SPIN1: variants seen among roughly 807,000 people sequenced by gnomAD.
SPIN1 encodes the protein spindlin-1.
In SPIN1, 3 loss-of-function variants were observed where a neutral mutation model predicts 26.0. That is an observed-to-expected ratio of 0.12 (90% CI 0.05 to 0.30). SPIN1 has a LOEUF of 0.30. Among genes scored for constraint, SPIN1 ranks in the 10% least tolerant of loss-of-function variants. The probability of loss-of-function intolerance (pLI) is 1.00; values close to 1 mark genes in which losing one functional copy is unlikely to be tolerated. For missense variants in SPIN1, 126 were observed against 333.4 expected, an observed-to-expected ratio of 0.38 and a Z score of 4.84; for synonymous variants, 101 against 116.5, an observed-to-expected ratio of 0.87 and a Z score of 0.86.
chr9:88,464,017 G>A (rs916640828), intron 4 of SPIN1, among the ~76,000 whole-genome samples: 1 of 152,188 alleles, frequency 6.6e-6, no homozygotes, highest in Admixed American at 6.5e-5. Context: ...ACCTGTGGTT[G>A]TTGGTCCTTT....
intron 4 of SPIN1, among the ~76,000 whole-genome samples, chr9:88,468,085 G>T (rs751674752): frequency 6.6e-6 from 1 of 151,782 alleles, no homozygotes; most frequent in African/African-American, 2.4e-5. Context: ...TTTTGATTTG[G>T]GTACAGAACC....
At chr9:88,415,164 A>G (rs1827535795) in intron 1 of SPIN1, among the ~76,000 whole-genome samples, 2 of 152,102 alleles carry the variant, frequency 1.3e-5, no homozygotes, top group African/African-American at 2.4e-5. Context: ...TCAGCCTCCC[A>G]AAGTGCTGGG....
At chr9:88,423,564 A>T (rs1335323376) in intron 1 of SPIN1, among the ~76,000 whole-genome samples, 1 of 149,716 alleles carries the variant, frequency 6.7e-6, no homozygotes, top group Non-Finnish European at 1.5e-5. Flanking sequence ...TCAGCCTCCT[A>T]AGTAGCTGGG....
At chr9:88,398,861 C>T (rs571068532) in intron 1 of SPIN1, among the ~76,000 whole-genome samples, 2 of 152,132 alleles carry the variant, frequency 1.3e-5, no homozygotes, top group East Asian at 1.9e-4. Context: ...GCCACCGTGC[C>T]CGGCCTTGTT....
At chr9:88,414,842 A>T (rs1029077215) in intron 1 of SPIN1, among the ~76,000 whole-genome samples, 1 of 152,204 alleles carries the variant, frequency 6.6e-6, no homozygotes, top group Non-Finnish European at 1.5e-5. Context: ...ATAAATTTTG[A>T]CCACGTATTA....
intron 1 of SPIN1, among the ~76,000 whole-genome samples, chr9:88,390,289 T>C (rs1180994190): frequency 6.6e-6 from 1 of 151,894 alleles, no homozygotes; most frequent in Non-Finnish European, 1.5e-5. Flanking sequence ...CAGATAATTG[T>C]GTGTCTCCCT....
In SPIN1 at chr9:88,455,912, G is replaced by A. The variant is rs116000081; in HGVS notation, c.102-6584G>A. Among the ~76,000 whole-genome samples, 420 of 152,300 alleles carry A rather than the reference G, an allele frequency of 2.8e-3. 1 individual carries two copies. The highest frequency in any genetic ancestry group is 9.6e-3 in the African/African-American group (397 of 41,564). On this transcript the variant is annotated intron_variant, in intron 3 of 5. Transcript: ENST00000375859. The stretch of plus-strand genomic sequence containing the variant: ...GCAAGAGGATTGCTTGAGCCCAGGA[G>A]TTTGAGGACAATTTGGGCAACAAAG...
intron 1 of SPIN1, among the ~76,000 whole-genome samples, chr9:88,413,618 A>G (rs182189901): frequency 3.8e-4 from 58 of 151,992 alleles, no homozygotes; most frequent in Admixed American, 2.6e-3. Context: ...ACCTCAAGCA[A>G]TCAGCCTGCC....
chr9:88,457,381 T>C (rs955840284), intron 3 of SPIN1, among the ~76,000 whole-genome samples: 8 of 151,962 alleles, frequency 5.3e-5, no homozygotes, highest in African/African-American at 1.7e-4. Flanking sequence ...ATGGAAAAAT[T>C]AGCCGGGTGT....
At chr9:88,395,938 T>C (rs999900602) in intron 1 of SPIN1, among the ~76,000 whole-genome samples, 1 of 151,910 alleles carries the variant, frequency 6.6e-6, no homozygotes, top group Non-Finnish European at 1.5e-5. Flanking sequence ...TCCCAGCTAC[T>C]CGGGAGGCTG....
At chr9:88,425,231 T>C (rs1827742230) in intron 1 of SPIN1, among the ~76,000 whole-genome samples, 1 of 151,790 alleles carries the variant, frequency 6.6e-6, no homozygotes, top group Non-Finnish European at 1.5e-5. Context: ...AAGAGGGATA[T>C]GAGATTTGAT....
rs1489112453 is a variant in SPIN1, at chr9:88,478,668, C to T, written c.*3391C>T. ...ATGTAACTCTATCTTATCCTTAAAACATTTAAAATAAACCCTTTATGTGCA... is the reference window on the plus strand; with the variant it reads ...ATGTAACTCTATCTTATCCTTAAAATATTTAAAATAAACCCTTTATGTGCA... On this transcript the variant is annotated 3_prime_UTR_variant, in exon 6 of 6. Transcript: ENST00000375859. 6.6e-6 allele frequency: 1 copy of T among 152,118 alleles called. No individual in the cohort carries two copies. Among genetic ancestry groups the T allele is most frequent in the East Asian group, 1.9e-4 (1 of 5,198 alleles). The allele number at this position is 152,118 out of a possible 1,614,324, so 9.4% of individuals were successfully genotyped here. A position where few individuals can be genotyped will look rare whatever the true frequency, so the allele number is the denominator to read the frequency against.
chr9:88,437,685 G>A (rs992308122), intron 2 of SPIN1, among the ~76,000 whole-genome samples: 7 of 152,178 alleles, frequency 4.6e-5, no homozygotes, highest in Middle Eastern at 3.4e-3. Flanking sequence ...CGGCTCTACC[G>A]TTTTGCATTT....
In SPIN1 at chr9:88,454,455, A is replaced by C. The variant is rs145476133; in HGVS notation, c.101+5466A>C. 9.2e-5 allele frequency among the ~76,000 whole-genome samples: 14 copies of C among 152,140 alleles called. 1 individual carries two copies. The highest frequency in any genetic ancestry group is 3.4e-4 in the African/African-American group (14 of 41,518). ...GTTTGCTTTTATATACACTATTTCCACTTATGTAAGTAAGCTTTAACTTTT... is the reference window on the plus strand; with the variant it reads ...GTTTGCTTTTATATACACTATTTCCCCTTATGTAAGTAAGCTTTAACTTTT... On this transcript the variant is annotated intron_variant, in intron 3 of 5. Transcript: ENST00000375859.
At chr9:88,428,087 C>T (rs72755886) in intron 2 of SPIN1, among the ~76,000 whole-genome samples, 12,866 of 152,122 alleles carry the variant, frequency 0.085, 747 homozygotes, top group Middle Eastern at 0.16. Flanking sequence ...GTGAAACCTC[C>T]CAGGTCTCTG....
chr9:88,435,277 A>G (rs1587796807), intron 2 of SPIN1, among the ~76,000 whole-genome samples: 1 of 150,876 alleles, frequency 6.6e-6, no homozygotes, highest in South Asian at 2.1e-4. Flanking sequence ...GAGCAGTGGC[A>G]CGATCATGGT....
intron 1 of SPIN1, among the ~76,000 whole-genome samples, chr9:88,400,912 C>T (rs1049121207): frequency 5.3e-5 from 8 of 151,346 alleles, no homozygotes; most frequent in South Asian, 2.1e-4. Flanking sequence ...ACTCGGGAGG[C>T]TGAGGTGGGA....
intron 1 of SPIN1, among the ~76,000 whole-genome samples, chr9:88,424,310 G>A (rs975238862): frequency 2.6e-5 from 4 of 152,120 alleles, no homozygotes; most frequent in Non-Finnish European, 5.9e-5. Flanking sequence ...GAGGCTGTGG[G>A]TAGTATTGTT....
intron 2 of SPIN1, among the ~76,000 whole-genome samples, chr9:88,430,139 G>T (rs1022306105): frequency 6.6e-6 from 1 of 152,152 alleles, no homozygotes; most frequent in African/African-American, 2.4e-5. Context: ...CACCAAAAAA[G>T]GGTTTTGTCT....
Sources: gnomAD v4.1 joint callset for allele counts (sites outside exome capture counted in the v4.1 genomes callset) on GRCh38, gnomAD v4.1.1 for gene constraint, MANE v1.5 for transcripts, NCBI Gene and HGNC (gene_info 2026-07-23, HGNC 2026-07-21) for gene names.